The following CDH12 variants were observed in gnomAD, a reference collection of about 807,000 sequenced individuals.
CDH12 encodes the protein cadherin-12.
In CDH12, 41 loss-of-function variants were observed where a neutral mutation model predicts 74.1. The observed-to-expected ratio is 0.55, with a 90% CI of 0.43 to 0.72. The LOEUF (loss-of-function observed/expected upper bound fraction) is 0.72, where lower values mean the gene tolerates loss of function less well. Ranked by LOEUF, CDH12 falls within the 30% of genes least tolerant of loss-of-function variation. The pLI is 0.00. For missense variants in CDH12, 945 were observed against 977.2 expected (o/e 0.97, Z 0.44); for synonymous variants, 399 against 355.0 (o/e 1.12, Z -1.39).
At chr5:22,806,099 A>T (rs1397935125) in intron 1 of CDH12, among the ~76,000 whole-genome samples, 1 of 152,184 alleles carries the variant, frequency 6.6e-6, no homozygotes, top group African/African-American at 2.4e-5. Flanking sequence ...TGCTATTGTG[A>T]ATAGTGCCAC....
chr5:22,568,056 T>G lies in CDH12; in HGVS notation c.-522-62692A>C, dbSNP rs957012711. Among the ~76,000 whole-genome samples, 5 of 152,190 alleles carry G rather than the reference T, an allele frequency of 3.3e-5. No individual in the cohort carries two copies. The South Asian group carries it at 8.3e-4, about 25-fold the overall frequency. ...TCTATGTAATTTAATATGTAATTGT[T>G]AAACAGTTTCATATAGAAGACTTTG... On this transcript the variant is annotated intron_variant, in intron 1 of 14. Coordinates refer to ENST00000382254, the MANE Select transcript of CDH12 (RefSeq NM_004061.5).
chr5:22,422,089 C>A (rs1174009631), intron 2 of CDH12, among the ~76,000 whole-genome samples: 1 of 152,098 alleles, frequency 6.6e-6, no homozygotes, highest in Non-Finnish European at 1.5e-5. Flanking sequence ...TGCCTGATGG[C>A]CATGGCCAGA....
chr5:21,929,155 C>A (rs997748832), intron 6 of CDH12, among the ~76,000 whole-genome samples: 4 of 152,082 alleles, frequency 2.6e-5, no homozygotes, highest in African/African-American at 9.6e-5. Flanking sequence ...GGTCCCCAAC[C>A]TTTTTGGCAC....
chr5:22,776,580 G>A (rs1747115821), intron 1 of CDH12, among the ~76,000 whole-genome samples: 1 of 152,108 alleles, frequency 6.6e-6, no homozygotes, highest in Non-Finnish European at 1.5e-5. Flanking sequence ...AGGATTTTCA[G>A]AAAGAAGTTT....
At chr5:22,750,134 T>C (rs962953281) in intron 1 of CDH12, among the ~76,000 whole-genome samples, 1 of 152,138 alleles carries the variant, frequency 6.6e-6, no homozygotes, top group African/African-American at 2.4e-5. Flanking sequence ...TGATTTATGT[T>C]GAGGAAGTAA....
intron 4 of CDH12, among the ~76,000 whole-genome samples, chr5:22,141,636 A>G (rs1005712782): frequency 1.3e-5 from 2 of 152,066 alleles, no homozygotes; most frequent in Admixed American, 6.6e-5. Flanking sequence ...CAGCAATATG[A>G]GTAGATCTGC....
intron 2 of CDH12, among the ~76,000 whole-genome samples, chr5:22,448,796 C>T (rs1343770131): frequency 6.6e-6 from 1 of 151,826 alleles, no homozygotes; most frequent in East Asian, 1.9e-4. Context: ...GATACTTCTT[C>T]TGGTATTAAT....
intron 2 of CDH12, among the ~76,000 whole-genome samples, chr5:22,453,493 C>T (rs1423528911): frequency 5.9e-5 from 9 of 151,994 alleles, no homozygotes; most frequent in Admixed American, 5.9e-4. Context: ...CACAGAATGA[C>T]AAATACCACA....
At chr5:22,047,627 A>C (rs995360416) in intron 5 of CDH12, among the ~76,000 whole-genome samples, 9 of 152,072 alleles carry the variant, frequency 5.9e-5, no homozygotes, top group African/African-American at 1.9e-4. Flanking sequence ...CTGAATTCCT[A>C]ACACATGAAG....
At chr5:22,808,264 C>T (rs1285009712) in intron 1 of CDH12, among the ~76,000 whole-genome samples, 1 of 152,150 alleles carries the variant, frequency 6.6e-6, no homozygotes, top group East Asian at 1.9e-4. Flanking sequence ...CTAATGATCA[C>T]AATTAGATCA....
chr5:22,513,664 C>G (rs1736697861), intron 1 of CDH12, among the ~76,000 whole-genome samples: 1 of 151,952 alleles, frequency 6.6e-6, no homozygotes, highest in African/African-American at 2.4e-5. Context: ...ATGCACAACA[C>G]AGGCCAGGCA....
chr5:21,956,476 C>T (rs931308686), intron 6 of CDH12, among the ~76,000 whole-genome samples: 2 of 151,978 alleles, frequency 1.3e-5, no homozygotes, highest in Non-Finnish European at 1.5e-5. Context: ...AATCTTTAGA[C>T]ATCAGTTTTG....
At chr5:21,945,050 TA>T (rs1755508787) in intron 6 of CDH12, among the ~76,000 whole-genome samples, 1 of 151,460 alleles carries the variant, frequency 6.6e-6, no homozygotes, top group South Asian at 2.1e-4. Flanking sequence ...CAGGACACAA[TA>T]AAAATCACTT....
At chr5:21,991,712 A>T (rs1244946313) in intron 5 of CDH12, among the ~76,000 whole-genome samples, 1 of 151,532 alleles carries the variant, frequency 6.6e-6, no homozygotes, top group African/African-American at 2.4e-5. Context: ...GTGTTAAAGC[A>T]TGAAGCTGCC....
intron 3 of CDH12, among the ~76,000 whole-genome samples, chr5:22,257,685 G>A (rs1355240213): frequency 6.6e-6 from 1 of 151,866 alleles, no homozygotes; most frequent in Non-Finnish European, 1.5e-5. Context: ...ATTTTTAGTA[G>A]AGATGGGGTT....
intron 1 of CDH12, among the ~76,000 whole-genome samples, chr5:22,674,201 C>T (rs921281335): frequency 6.6e-6 from 1 of 152,336 alleles, no homozygotes; most frequent in South Asian, 2.1e-4. Flanking sequence ...ACCCAAATCT[C>T]ATCTTGAATT....
At chr5:21,914,317 G>C (rs1199994229) in intron 6 of CDH12, among the ~76,000 whole-genome samples, 1 of 152,182 alleles carries the variant, frequency 6.6e-6, no homozygotes, top group East Asian at 1.9e-4. Flanking sequence ...AAAGTCAAGA[G>C]AGTGACAAAA....
At chr5:22,791,550 T>TA (rs1470741771) in intron 1 of CDH12, among the ~76,000 whole-genome samples, 2 of 152,212 alleles carry the variant, frequency 1.3e-5, no homozygotes, top group African/African-American at 4.8e-5. Context: ...GTTTGTCAAT[T>TA]CTTGGACTCT....
intron 4 of CDH12, among the ~76,000 whole-genome samples, chr5:22,204,174 T>G (rs1392186550): frequency 1.3e-5 from 2 of 149,476 alleles, no homozygotes. Context: ...TTTTTTTTTT[T>G]TGTTTTTTGT....
Sources: allele counts gnomAD v4.1 joint callset (sites outside exome capture counted in the v4.1 genomes callset), GRCh38; gene constraint gnomAD v4.1.1; transcripts MANE v1.5; gene names NCBI Gene and HGNC (gene_info 2026-07-23, HGNC 2026-07-21).